Variants in CNTNAP2 observed in about 807,000 individuals in gnomAD.
The protein encoded by CNTNAP2 is contactin associated protein 2, also known as contactin-associated protein-like 2.
A neutral mutation model predicts 155.2 loss-of-function variants in CNTNAP2; 98 were observed. The ratio of observed to expected loss-of-function variants is 0.63; its 90% confidence interval spans 0.54 to 0.75. The LOEUF (loss-of-function observed/expected upper bound fraction) is 0.75. Ranked by LOEUF, CNTNAP2 falls within the 30% of genes least tolerant of loss-of-function variation. The pLI, the probability that CNTNAP2 is intolerant of heterozygous loss-of-function variation, is 0.00. For synonymous variants in CNTNAP2, 651 were observed against 631.2 expected, an observed-to-expected ratio of 1.03 and a Z score of -0.47; for missense variants, 1,727 against 1,688.1, an observed-to-expected ratio of 1.02 and a Z score of -0.40.
chr7:147,336,395 G>C (rs1457642491), intron 9 of CNTNAP2, among the ~76,000 whole-genome samples: 1 of 152,142 alleles, frequency 6.6e-6, no homozygotes, highest in Non-Finnish European at 1.5e-5. Context: ...TTCAACAGGA[G>C]TTTAAGCACA....
At chr7:147,735,317 T>C (rs1796822230) in intron 13 of CNTNAP2, among the ~76,000 whole-genome samples, 1 of 152,190 alleles carries the variant, frequency 6.6e-6, no homozygotes, top group Non-Finnish European at 1.5e-5. Flanking sequence ...TCAGTTTCCA[T>C]GTAGTTGAGT....
At chr7:146,311,607 CAAAAAAAAAAA>C (rs71175646) in intron 1 of CNTNAP2, 2 of 38,938 alleles carry the variant, frequency 5.1e-5, no homozygotes, top group Non-Finnish European at 1.2e-4. Context: ...CTTGTCTTTA[CAAAAAAAAAAA>C]AAAAAAAAAA....
At chr7:147,420,766 T>C (rs1797277766) in intron 10 of CNTNAP2, among the ~76,000 whole-genome samples, 1 of 152,226 alleles carries the variant, frequency 6.6e-6, no homozygotes, top group Non-Finnish European at 1.5e-5. Context: ...TTAATTTTAC[T>C]CTGTATTAAT....
intron 1 of CNTNAP2, among the ~76,000 whole-genome samples, chr7:146,326,926 A>T (rs1245013464): frequency 2.0e-5 from 3 of 152,172 alleles, no homozygotes; most frequent in African/African-American, 7.2e-5. Flanking sequence ...CGAAGAAAAT[A>T]TTTCTCTTCC....
intron 1 of CNTNAP2, among the ~76,000 whole-genome samples, chr7:146,595,724 C>A (rs1798849523): frequency 6.6e-6 from 1 of 152,008 alleles, no homozygotes. Context: ...TCTAGTCTCC[C>A]TAAGTATATA....
At chr7:147,278,781 A>T (rs1273523418) in intron 8 of CNTNAP2, among the ~76,000 whole-genome samples, 2 of 151,436 alleles carry the variant, frequency 1.3e-5, no homozygotes, top group Non-Finnish European at 3.0e-5. Flanking sequence ...TAATTATTTA[A>T]AATTATTTCA....
intron 1 of CNTNAP2, among the ~76,000 whole-genome samples, chr7:146,545,752 T>C (rs2129141793): frequency 6.6e-6 from 1 of 152,016 alleles, no homozygotes; most frequent in African/African-American, 2.4e-5. Context: ...AGTTCAGCCA[T>C]TGTGGAAAGA....
At chr7:147,126,795 G>A (rs1801248553) in intron 6 of CNTNAP2, among the ~76,000 whole-genome samples, 1 of 152,082 alleles carries the variant, frequency 6.6e-6, no homozygotes, top group African/African-American at 2.4e-5. Flanking sequence ...TTTATAACTA[G>A]AAAGAATAAA....
At chr7:148,010,810 T>C (rs917144614) in intron 15 of CNTNAP2, among the ~76,000 whole-genome samples, 3 of 152,086 alleles carry the variant, frequency 2.0e-5, no homozygotes, top group African/African-American at 7.2e-5. Flanking sequence ...TTTTTATACA[T>C]GCAAGGGTCT....
At chr7:146,287,421 A>T (rs1380738938) in intron 1 of CNTNAP2, among the ~76,000 whole-genome samples, 1 of 152,196 alleles carries the variant, frequency 6.6e-6, no homozygotes, top group Non-Finnish European at 1.5e-5. Flanking sequence ...TGAACGTAAC[A>T]GGTTGCCTGT....
At chr7:146,205,456 T>A (rs904628272) in intron 1 of CNTNAP2, among the ~76,000 whole-genome samples, 1 of 151,884 alleles carries the variant, frequency 6.6e-6, no homozygotes, top group Non-Finnish European at 1.5e-5. Flanking sequence ...TGACAAAATT[T>A]AGGAGAGTAA....
chr7:146,664,836 G>C (rs1311701499), intron 1 of CNTNAP2, among the ~76,000 whole-genome samples: 4 of 152,076 alleles, frequency 2.6e-5, no homozygotes, highest in African/African-American at 9.7e-5. Context: ...GGACTATTTA[G>C]GCTGTTTCTT....
intron 1 of CNTNAP2, among the ~76,000 whole-genome samples, chr7:146,296,895 T>A (rs1800522659): frequency 6.6e-6 from 1 of 152,120 alleles, no homozygotes; most frequent in Non-Finnish European, 1.5e-5. Flanking sequence ...TTCTTAATCA[T>A]TTTTAGAAAG....
At chr7:148,022,075 T>C (rs1010115637) in intron 15 of CNTNAP2, among the ~76,000 whole-genome samples, 1 of 152,146 alleles carries the variant, frequency 6.6e-6, no homozygotes, top group African/African-American at 2.4e-5. Flanking sequence ...GCAGCCTCTC[T>C]CCTCCCTTCC....
intron 15 of CNTNAP2, among the ~76,000 whole-genome samples, chr7:147,989,783 G>A (rs780833840): frequency 5.9e-5 from 9 of 152,056 alleles, no homozygotes; most frequent in Non-Finnish European, 2.9e-5. Flanking sequence ...TCTCAGCTTC[G>A]ATGTTAATTC....
intron 14 of CNTNAP2, among the ~76,000 whole-genome samples, chr7:147,931,944 G>C (rs994975244): frequency 1.3e-5 from 2 of 151,882 alleles, no homozygotes; most frequent in Non-Finnish European, 2.9e-5. Context: ...GGAGTGCAGT[G>C]GTGCGATCTC....
intron 1 of CNTNAP2, among the ~76,000 whole-genome samples, chr7:146,528,609 A>G (rs1429238633): frequency 6.6e-6 from 1 of 152,298 alleles, no homozygotes; most frequent in Non-Finnish European, 1.5e-5. Flanking sequence ...AGGAATAGAG[A>G]GATTGTTTTA....
intron 13 of CNTNAP2, among the ~76,000 whole-genome samples, chr7:147,640,725 A>G (rs556115915): frequency 3.3e-5 from 5 of 151,818 alleles, no homozygotes; most frequent in Non-Finnish European, 5.9e-5. Context: ...AGGAGAGTTT[A>G]ACAGGCAAGA....
intron 1 of CNTNAP2, among the ~76,000 whole-genome samples, chr7:146,629,142 C>T (rs552226795): frequency 4.7e-4 from 71 of 152,210 alleles, no homozygotes; most frequent in African/African-American, 1.7e-3. Context: ...AAATAACATG[C>T]TGAATGTCAT....
Sources: allele counts gnomAD v4.1 joint callset (sites outside exome capture counted in the v4.1 genomes callset), GRCh38; gene constraint gnomAD v4.1.1; transcripts MANE v1.5; gene names NCBI Gene and HGNC (gene_info 2026-07-23, HGNC 2026-07-21).